DIP2C: variants seen among roughly 807,000 people sequenced by gnomAD.
DIP2C encodes disco-interacting protein 2 homolog C.
DIP2C carries 33 observed loss-of-function variants against 192.4 expected under a neutral mutation model. The observed-to-expected ratio is 0.17, with a 90% CI of 0.13 to 0.23. The LOEUF (loss-of-function observed/expected upper bound fraction) is 0.23, where lower values mean the gene tolerates loss of function less well. Among genes scored for constraint, DIP2C ranks in the 10% least tolerant of loss-of-function variants. The probability of loss-of-function intolerance (pLI) is 1.00; values close to 1 mark genes in which losing one functional copy is unlikely to be tolerated. For synonymous variants in DIP2C, 979 were observed against 864.1 expected (o/e 1.13, Z -2.33); for missense variants, 1,537 against 2,110.1 (o/e 0.73, Z 5.32).
chr10:407,294 G>A (rs1038381911), intron 9 of DIP2C, among the ~76,000 whole-genome samples: 5 of 152,174 alleles, frequency 3.3e-5, no homozygotes, highest in Admixed American at 6.5e-5. Context: ...CATGTGTTAT[G>A]TGTCAGAACT....
At chr10:560,984 C>G (rs1849183615) in intron 1 of DIP2C, among the ~76,000 whole-genome samples, 1 of 152,198 alleles carries the variant, frequency 6.6e-6, no homozygotes, top group Non-Finnish European at 1.5e-5. Context: ...ACTCTCTCAA[C>G]CAACTGTCAA....
intron 1 of DIP2C, among the ~76,000 whole-genome samples, chr10:490,942 C>T (rs1414684589): frequency 2.6e-5 from 4 of 152,228 alleles, no homozygotes; most frequent in Non-Finnish European, 4.4e-5. Flanking sequence ...TTCTTTCCCT[C>T]CCTGAAGGGA....
intron 8 of DIP2C, among the ~76,000 whole-genome samples, chr10:413,447 G>T (rs943078513): frequency 6.6e-6 from 1 of 152,198 alleles, no homozygotes; most frequent in Non-Finnish European, 1.5e-5. Flanking sequence ...AATCACACAT[G>T]TATTTAAGAT....
chr10:583,797 C>A (rs1408329530), intron 1 of DIP2C, among the ~76,000 whole-genome samples: 9 of 152,192 alleles, frequency 5.9e-5, no homozygotes, highest in Non-Finnish European at 5.9e-5. Context: ...CGCTCCAAAA[C>A]AAAAACACAC....
chr10:596,422 G>A (rs985975912), intron 1 of DIP2C, among the ~76,000 whole-genome samples: 4 of 145,012 alleles, frequency 2.8e-5, no homozygotes, highest in African/African-American at 1.0e-4. Flanking sequence ...CTTGAACCTG[G>A]GAGGGAGAGG....
rs371435814 is a variant in DIP2C, at chr10:357,781, C to A, written c.2904+47G>T. 4 of 1,468,494 alleles carry A rather than the reference C, an allele frequency of 2.7e-6. No homozygotes were observed. In the East Asian group the frequency reaches 6.8e-5, roughly 25 times the overall value. The allele number at this position is 1,468,494 out of a possible 1,614,324, so 91.0% of individuals were successfully genotyped here. ...ATGGTCGCAGATGGTCGGGGACAGT[C>A]GGAAAAGTCGGGGACGGTCGGGGAG... On this transcript the variant is annotated intron_variant, in intron 23 of 36. Transcript: ENST00000280886.
intron 1 of DIP2C, among the ~76,000 whole-genome samples, chr10:625,054 G>A (rs562157290): frequency 4.6e-5 from 7 of 152,278 alleles, no homozygotes; most frequent in South Asian, 2.1e-4. Flanking sequence ...TCCTGGAGCC[G>A]CACTATGGGC....
At chr10:447,521 C>T (rs1261267270) in intron 3 of DIP2C, among the ~76,000 whole-genome samples, 1 of 147,456 alleles carries the variant, frequency 6.8e-6, no homozygotes, top group Non-Finnish European at 1.5e-5. Context: ...CCGCTCACTC[C>T]CATCAATACT....
intron 23 of DIP2C, among the ~76,000 whole-genome samples, chr10:357,571 A>G (rs550631465): frequency 6.6e-6 from 1 of 152,312 alleles, no homozygotes; most frequent in East Asian, 1.9e-4. Context: ...TTTTCTTATG[A>G]AATTATATGG....
chr10:675,431 A>C (rs549604564), intron 1 of DIP2C, among the ~76,000 whole-genome samples: 1 of 152,152 alleles, frequency 6.6e-6, no homozygotes, highest in Non-Finnish European at 1.5e-5. Context: ...AGAAATAACA[A>C]AGATCAAAGA....
At chr10:425,427 A>C (rs113855575) in intron 4 of DIP2C, among the ~76,000 whole-genome samples, 1 of 135,270 alleles carries the variant, frequency 7.4e-6, no homozygotes, top group African/African-American at 2.8e-5. Context: ...CATGACCAGC[A>C]GTGACTAATA....
At chr10:473,764 G>A (rs1970841504) in intron 2 of DIP2C, among the ~76,000 whole-genome samples, 1 of 152,248 alleles carries the variant, frequency 6.6e-6, no homozygotes, top group Non-Finnish European at 1.5e-5. Flanking sequence ...CTGATTGAAA[G>A]TAAACCAGAA....
chr10:578,777 G>A (rs951570856), intron 1 of DIP2C, among the ~76,000 whole-genome samples: 2 of 151,256 alleles, frequency 1.3e-5, no homozygotes, highest in Admixed American at 6.6e-5. Context: ...ACTACATATA[G>A]TGTACAAGCA....
chr10:384,668 G>A (rs762885323), intron 14 of DIP2C, 29 bp from the exon 15 acceptor site: 5 of 1,608,850 alleles, frequency 3.1e-6, no homozygotes, highest in Admixed American at 1.7e-5. Context: ...CACGCAGGGT[G>A]AGCATGGAGG....
At chr10:416,985 A>AT (rs1965684629) in intron 6 of DIP2C, among the ~76,000 whole-genome samples, 2 of 152,318 alleles carry the variant, frequency 1.3e-5, no homozygotes, top group South Asian at 2.1e-4. Context: ...TTCTATCAAG[A>AT]TTTTTTAATA....
intron 23 of DIP2C, 30 bp from the exon 24 acceptor site, chr10:356,536 G>C: frequency 6.3e-7 from 1 of 1,585,828 alleles, no homozygotes; most frequent in Non-Finnish European, 8.6e-7. Flanking sequence ...TGAGGATCAG[G>C]CTGTGCGGTT....
At chr10:487,043 G>C (rs569949996) in intron 1 of DIP2C, among the ~76,000 whole-genome samples, 1 of 152,370 alleles carries the variant, frequency 6.6e-6, no homozygotes, top group African/African-American at 2.4e-5. Context: ...AGCAAAAGGT[G>C]TGAAACCTGC....
At chr10:518,845 C>G (rs1846521884) in intron 1 of DIP2C, among the ~76,000 whole-genome samples, 1 of 152,206 alleles carries the variant, frequency 6.6e-6, no homozygotes, top group African/African-American at 2.4e-5. Context: ...ACCACAGATC[C>G]CACCTCCAGC....
intron 32 of DIP2C, among the ~76,000 whole-genome samples, chr10:290,898 C>G (rs1955458535): frequency 6.6e-6 from 1 of 152,246 alleles, no homozygotes; most frequent in South Asian, 2.1e-4. Context: ...GAATCAGATG[C>G]ACCTGGCAGC....
Sources: allele counts gnomAD v4.1 joint callset (sites outside exome capture counted in the v4.1 genomes callset), GRCh38; gene constraint gnomAD v4.1.1; transcripts MANE v1.5; gene names NCBI Gene and HGNC (gene_info 2026-07-23, HGNC 2026-07-21).